SLF2: variants seen among roughly 807,000 people sequenced by gnomAD.
SLF2 encodes SMC5/6 complex localization factor 2.
SLF2 carries 68 observed loss-of-function variants against 124.3 expected under a neutral mutation model. The ratio of observed to expected loss-of-function variants is 0.55; its 90% confidence interval spans 0.45 to 0.67. SLF2 has a LOEUF of 0.67. Among genes scored for constraint, SLF2 ranks in the 30% least tolerant of loss-of-function variants. SLF2 has a pLI of 0.00. For missense variants in SLF2, 1,246 were observed against 1,373.7 expected, an observed-to-expected ratio of 0.91 and a Z score of 1.47; for synonymous variants, 480 against 478.8, an observed-to-expected ratio of 1.00 and a Z score of -0.03.
At chr10:100,940,619 C>T (rs1454801202) in intron 11 of SLF2, among the ~76,000 whole-genome samples, 3 of 152,078 alleles carry the variant, frequency 2.0e-5, no homozygotes, top group African/African-American at 4.8e-5. Flanking sequence ...GCCTCAGCTT[C>T]CCAAACTGCT....
At position 100,956,497 on chromosome 10, in the gene SLF2, G is replaced by A. The variant is rs2133830604; in HGVS notation, c.3377G>A (p.Cys1126Tyr). 3 of 1,613,126 alleles carry A rather than the reference G, an allele frequency of 1.9e-6. No individual in the cohort carries two copies. Among genetic ancestry groups the A allele is most frequent in the Non-Finnish European group, 2.5e-6 (3 of 1,179,728 alleles). Residue 1126 changes from cysteine to tyrosine, a missense_variant, in exon 18 of 20, where the codon TGT becomes TAT. Cys to Tyr is a radical substitution (Grantham distance 194, BLOSUM62 -2). This residue lies in a region of SLF2 where 535 missense variants were observed against 632.8 expected (regional missense o/e 0.85). Coordinates refer to ENST00000238961, the MANE Select transcript of SLF2 (RefSeq NM_018121.4). ...GGGGCTTTGGAAAAGCATGTTAAAT[G>A]TGATATTAGGGAAGATGCAAGACTT... ...LCGALEKHVK[C>Y]DIREDARLFY...
At chr10:100,944,466 G>A (rs1175256759) in intron 12 of SLF2, among the ~76,000 whole-genome samples, 2 of 132,500 alleles carry the variant, frequency 1.5e-5, no homozygotes, top group Admixed American at 8.9e-5. Context: ...CTGCACTCTA[G>A]CCTGGGCAAC....
chr10:100,945,900 G>A (rs1850095777), intron 13 of SLF2, among the ~76,000 whole-genome samples: 1 of 152,154 alleles, frequency 6.6e-6, no homozygotes, highest in South Asian at 2.1e-4. Flanking sequence ...AATAAAGCAG[G>A]ACATGAGTAC....
chr10:100,949,381 CACTA>C (rs1004152500), intron 15 of SLF2, among the ~76,000 whole-genome samples: 7 of 152,160 alleles, frequency 4.6e-5, no homozygotes, highest in African/African-American at 1.7e-4. Context: ...CCCTCAAACT[CACTA>C]ACTGATATTC....
intron 11 of SLF2, among the ~76,000 whole-genome samples, chr10:100,942,335 A>G (rs1173939155): frequency 6.6e-6 from 1 of 152,166 alleles, no homozygotes; most frequent in Non-Finnish European, 1.5e-5. Context: ...ATATGCTAGA[A>G]TGGCTCACAG....
chr10:100,925,849 T>C, intron 5 of SLF2, 100 bp from the exon 6 acceptor site: 1 of 1,156,898 alleles, frequency 8.6e-7, no homozygotes, highest in Non-Finnish European at 1.2e-6. Flanking sequence ...GCCCAGATTA[T>C]TGAAATAGAA....
chr10:100,955,126 G>T (rs1850304937), intron 17 of SLF2, among the ~76,000 whole-genome samples: 1 of 151,810 alleles, frequency 6.6e-6, no homozygotes, highest in Non-Finnish European at 1.5e-5. Flanking sequence ...ATTTTTAGTA[G>T]AGACGGGTTT....
chr10:100,934,159 G>A (rs1487669683), intron 9 of SLF2, among the ~76,000 whole-genome samples: 1 of 152,172 alleles, frequency 6.6e-6, no homozygotes, highest in African/African-American at 2.4e-5. Context: ...AACATAAACA[G>A]AACATGTGAA....
intron 15 of SLF2, among the ~76,000 whole-genome samples, chr10:100,948,228 T>C (rs1850141886): frequency 6.6e-6 from 1 of 152,258 alleles, no homozygotes. Context: ...ATTGCATCTT[T>C]AACCTGTTTT....
At chr10:100,961,830 A>G in intron 19 of SLF2, 47 bp from the exon 20 acceptor site, 4 of 1,545,014 alleles carry the variant, frequency 2.6e-6, no homozygotes, top group Non-Finnish European at 3.6e-6. Flanking sequence ...AATTCATAAT[A>G]TGATTAAATT....
chr10:100,943,893 T>C, intron 11 of SLF2, 133 bp from the exon 12 acceptor site: 1 of 558,080 alleles, frequency 1.8e-6, no homozygotes, highest in Non-Finnish European at 3.2e-6. Flanking sequence ...AAACTTAAAA[T>C]GGGTACATTC....
intron 16 of SLF2, among the ~76,000 whole-genome samples, 170 bp from the exon 17 acceptor site, chr10:100,950,506 A>G (rs1850189885): frequency 2.0e-5 from 3 of 152,304 alleles, no homozygotes; most frequent in Middle Eastern, 6.8e-3. Context: ...AATGCACTTG[A>G]GTTAGAAATG....
chr10:100,953,496 TTATA>T (rs949103573), intron 17 of SLF2, among the ~76,000 whole-genome samples: 2 of 151,320 alleles, frequency 1.3e-5, no homozygotes, highest in Admixed American at 6.6e-5. Flanking sequence ...ATTGTAAAAC[TTATA>T]TAAAGTAAAA....
At chr10:100,932,737 G>A (rs796735110) in intron 9 of SLF2, among the ~76,000 whole-genome samples, 47 of 151,344 alleles carry the variant, frequency 3.1e-4, no homozygotes, top group African/African-American at 4.9e-4. Context: ...GCGCGCGCGC[G>A]CACATTTGTA....
rs367992941 is a variant in SLF2 at position 100,959,473 on chromosome 10, A to G, written c.3463A>G (p.Ile1155Val). ...ARIHGKWQEI[I>V]QNCRPTQGQL... ...GATACATGGAAAATGGCAGGAAATA[A>G]TCCAGAACTGTCGGCCTACTCAGGT... The change falls in exon 19 of 20, where the codon ATC (isoleucine) becomes GTC (valine). Residue 1155 changes from isoleucine to valine, a missense_variant. Ile to Val is a conservative substitution (Grantham distance 29, BLOSUM62 3). Around this residue, in one of 3 missense-constraint regions of SLF2, gnomAD observed 535 missense variants for 632.8 expected, o/e 0.85. Coordinates refer to ENST00000238961, the MANE Select transcript of SLF2 (RefSeq NM_018121.4). 4 of 1,611,390 alleles carry G rather than the reference A, an allele frequency of 2.5e-6. No homozygotes were observed. Among genetic ancestry groups the G allele is most frequent in the Admixed American group, 1.7e-5 (1 of 59,092 alleles).
intron 4 of SLF2, 57 bp downstream of exon 4, chr10:100,918,498 G>A: frequency 1.8e-6 from 2 of 1,138,684 alleles, no homozygotes; most frequent in East Asian, 2.4e-5. Context: ...TAATGGCACT[G>A]CTTTTTAAAA....
chr10:100,932,689 ATAAGTGTGTGT>A (rs1324247919), intron 9 of SLF2, among the ~76,000 whole-genome samples: 1 of 112,858 alleles, frequency 8.9e-6, no homozygotes, highest in African/African-American at 3.5e-5. Flanking sequence ...GAGACAAACA[ATAAGTGTGTGT>A]GTGTGTGTGT....
intron 6 of SLF2, among the ~76,000 whole-genome samples, chr10:100,928,079 C>CAGAGAGAGAGAGAGAGAG (rs71013474): frequency 1.3e-4 from 15 of 113,092 alleles, no homozygotes; most frequent in African/African-American, 5.3e-4. Flanking sequence ...GAGAGAGAGA[C>CAGAGAGAGAGAGAGAGAG]AGAGAGAGAG....
chr10:100,917,531 C>CT, intron 3 of SLF2, among the ~76,000 whole-genome samples: 1 of 152,036 alleles, frequency 6.6e-6, no homozygotes, highest in African/African-American at 2.4e-5. Context: ...GAACAAAGAT[C>CT]TTTTTTAGTC....
Sources: gnomAD v4.1 joint callset for allele counts (sites outside exome capture counted in the v4.1 genomes callset) on GRCh38, gnomAD v4.1.1 for gene constraint, gnomAD v4.1.1 regional missense constraint, MANE v1.5 for transcripts, NCBI Gene and HGNC (gene_info 2026-07-23, HGNC 2026-07-21) for gene names.